Variants in SLX4 observed in about 807,000 individuals in gnomAD.
SLX4 encodes structure-specific endonuclease subunit SLX4.
SLX4 carries 112 observed loss-of-function variants against 146.2 expected under a neutral mutation model. That is an observed-to-expected ratio of 0.77 (90% confidence interval 0.66 to 0.90). The LOEUF (loss-of-function observed/expected upper bound fraction) is 0.90, where lower values mean the gene tolerates loss of function less well. Ranked by LOEUF, SLX4 falls within the 40% of genes least tolerant of loss-of-function variation. The pLI, the probability that SLX4 is intolerant of heterozygous loss-of-function variation, is 0.00. For synonymous variants in SLX4, 1,061 were observed against 997.7 expected, an observed-to-expected ratio of 1.06 and a Z score of -1.20; for missense variants, 2,563 against 2,392.7, an observed-to-expected ratio of 1.07 and a Z score of -1.49.
Position 3,589,366 on chromosome 16 carries a change from G to A in SLX4, c.4272C>T (p.Asp1424=), listed in dbSNP as rs771297945. ...PLDSDPPIPI[D]DCCWHMEPLS... ...GGGGCTCCATGTGCCAGCAGCAGTCGTCAATTGGAATTGGGGGGTCACTGT... is the reference window on the plus strand; with the variant it reads ...GGGGCTCCATGTGCCAGCAGCAGTCATCAATTGGAATTGGGGGGTCACTGT... Residue 1424 remains aspartate, a synonymous_variant, in exon 12 of 15, where the codon GAC becomes GAT. Transcript: ENST00000294008. This position sits in a 1 kb window ranked among gnomAD's most constrained non-coding sequence, Gnocchi z 6.2. 5.3e-5 allele frequency: 84 copies of A among 1,586,606 alleles called. No individual in the cohort carries two copies. Among genetic ancestry groups the A allele is most frequent in the Middle Eastern group, 1.7e-4 (1 of 5,956 alleles).
rs2040676340 is a variant in SLX4 at position 3,597,528 on chromosome 16, C to T, written c.1534G>A (p.Gly512Arg). The T allele has an allele frequency of 6.2e-7, 1 of 1,614,164 alleles. No homozygotes were observed. The highest frequency in any genetic ancestry group is 8.5e-7 in the Non-Finnish European group (1 of 1,180,042). The part of the protein sequence containing the change: ...PLPASRILKE[G>R]WERAGQCPPP... ...GGACACTGGCCCGCTCTTTCCCACC[C>T]TTCCTTTAAAATCCTGCTGGCAGGA... Residue 512 changes from glycine (G) to arginine (R), a missense_variant, in exon 7 of 15, where the codon GGG becomes AGG. Physicochemically the swap from Gly to Arg is moderately radical, Grantham distance 125. Transcript: ENST00000294008. This position sits in a 1 kb window ranked among gnomAD's most constrained non-coding sequence, Gnocchi z 4.4.
chr16:3,586,314 A>G (rs1225938554), intron 12 of SLX4, among the ~76,000 whole-genome samples: 1 of 152,110 alleles, frequency 6.6e-6, no homozygotes, highest in Non-Finnish European at 1.5e-5. Flanking sequence ...ATACAAAGGA[A>G]TGTATGCCCA....
chr16:3,590,250 T>A lies in SLX4; in HGVS notation c.3388A>T (p.Asn1130Tyr). The change falls in exon 12 of 15, where the codon AAT becomes TAT. Residue 1130 changes from asparagine (N) to tyrosine (Y), a missense_variant. By Grantham distance (143) the Asn-to-Tyr change is moderately radical. Coordinates refer to ENST00000294008, the MANE Select transcript of SLX4 (RefSeq NM_032444.4). This position sits in a 1 kb window ranked among gnomAD's most constrained non-coding sequence, Gnocchi z 4.8. ...KSPSIDLTQS[N>Y]PDHSSSRSQK... ...GATCTGGAGCTCGAATGGTCAGGAT[T>A]TGACTGGGTTAGGTCAATAGACGGA... The A allele has an allele frequency of 6.2e-7, 1 of 1,614,206 alleles. No homozygotes were observed.
At chr16:3,584,355 A>T (rs528399757) in intron 13 of SLX4, among the ~76,000 whole-genome samples, 4 of 151,454 alleles carry the variant, frequency 2.6e-5, no homozygotes, top group African/African-American at 9.8e-5. Context: ...CGGGAGGTGG[A>T]GGTTGCAGTG....
chr16:3,594,360 G>C, intron 10 of SLX4, 93 bp downstream of exon 10: 1 of 1,524,666 alleles, frequency 6.6e-7, no homozygotes, highest in Non-Finnish European at 8.9e-7. Context: ...GGGTGGAAAG[G>C]GCACCTGAGA....
chr16:3,609,362 C>T lies in SLX4; in HGVS notation c.-398G>A, dbSNP rs559269050. The T allele has an allele frequency of 1.2e-4, 26 of 213,794 alleles. No individual in the cohort carries two copies. The highest frequency in any genetic ancestry group is 4.8e-4 in the African/African-American group (21 of 43,458). 13.2% of individuals were successfully genotyped at this position (213,794 alleles called of 1,614,324 possible). ...GGCGGAGATTGCAGTGAGCCGAGAT[C>T]GTGCCACTGCACTCTAACCTGGGCA... On this transcript the variant is annotated 5_prime_UTR_variant, in exon 2 of 15. Coordinates refer to ENST00000294008, the MANE Select transcript of SLX4 (RefSeq NM_032444.4).
chr16:3,602,431 GCTCCACT>G, intron 3 of SLX4, 124 bp from the exon 4 acceptor site: 1 of 1,103,486 alleles, frequency 9.1e-7, no homozygotes, highest in Middle Eastern at 2.0e-4. Flanking sequence ...CCAGAACCCA[GCTCCACT>G]CTGCAGGCTG....
At chr16:3,594,716 T>C in intron 9 of SLX4, 117 bp from the exon 10 acceptor site, 2 of 1,389,736 alleles carry the variant, frequency 1.4e-6, no homozygotes, top group Non-Finnish European at 1.0e-6. Flanking sequence ...AGGACCTGCA[T>C]TCTCCTTTCC....
chr16:3,590,164 A>G lies in SLX4; in HGVS notation c.3474T>C (p.Asp1158=), dbSNP rs1211023830. The G allele has an allele frequency of 6.2e-7, 1 of 1,614,108 alleles. No individual in the cohort carries two copies. The highest frequency in any genetic ancestry group is 2.2e-5 in the East Asian group (1 of 44,872). The stretch of plus-strand genomic sequence containing the variant: ...TGGTTTGTTCTAGCTCCAGCTCCTC[A>G]TCCGAGTCCAGTAAGAGGATGACCT... ...EDEVILLLDS[D]EELELEQTKM... Residue 1158 remains aspartate (D), a synonymous_variant, in exon 12 of 15, where the codon GAT becomes GAC. Transcript: ENST00000294008. The surrounding 1 kb of genome is among the most constrained non-coding windows in gnomAD (Gnocchi z 4.8).
At chr16:3,584,067 C>G (rs913287855) in intron 13 of SLX4, among the ~76,000 whole-genome samples, 21 of 152,184 alleles carry the variant, frequency 1.4e-4, no homozygotes, top group African/African-American at 4.8e-4. Context: ...AGCAGCTTCC[C>G]CGGGTGCCCG....
chr16:3,595,321 G>C (rs1429318287), intron 9 of SLX4, among the ~76,000 whole-genome samples: 1 of 152,222 alleles, frequency 6.6e-6, no homozygotes, highest in Non-Finnish European at 1.5e-5. Flanking sequence ...CTGGGACCCA[G>C]GACAGGGCAG....
In SLX4 at chr16:3,589,753, T is replaced by G. The variant is rs1211485988; in HGVS notation, c.3885A>C (p.Ser1295=). The part of the protein sequence containing the change: ...QAVTQHTPRA[S]VGNREGNEVA... ...CTTCGTTCCCTTCCCTGTTTCCTACTGAGGCCCTGGGCGTGTGCTGAGTCA... is the reference window on the plus strand; with the variant it reads ...CTTCGTTCCCTTCCCTGTTTCCTACGGAGGCCCTGGGCGTGTGCTGAGTCA... Residue 1295 remains serine (S), a synonymous_variant, in exon 12 of 15, where the codon TCA becomes TCC. Coordinates refer to ENST00000294008, the MANE Select transcript of SLX4 (RefSeq NM_032444.4). This position sits in a 1 kb window ranked among gnomAD's most constrained non-coding sequence, Gnocchi z 6.2. The G allele has an allele frequency of 1.2e-6, 2 of 1,613,730 alleles. No homozygotes were observed. The highest frequency in any genetic ancestry group is 2.7e-5 in the African/African-American group (2 of 74,934).
At position 3,590,595 on chromosome 16, in the gene SLX4, C is replaced by T; in HGVS notation, c.3043G>A (p.Gly1015Arg). 6.2e-7 allele frequency: 1 copy of T among 1,613,726 alleles called. No homozygotes were observed. Among genetic ancestry groups the T allele is most frequent in the Admixed American group, 1.7e-5 (1 of 60,020 alleles). Residue 1015 changes from glycine (G) to arginine (R), a missense_variant, in exon 12 of 15, where the codon GGG becomes AGG. Gly to Arg is a moderately radical substitution (Grantham distance 125, BLOSUM62 -2). Transcript: ENST00000294008. The surrounding 1 kb of genome is among the most constrained non-coding windows in gnomAD (Gnocchi z 4.8). ...EEQSGAVRER[G>R]LEVSHRLAPW... is the part of the protein sequence containing the mutation. The stretch of plus-strand genomic sequence containing the variant: ...GCCAGGCGATGAGAAACCTCCAGCC[C>T]CCTTTCCCTGACAGCGCCACTTTGT...
At position 3,601,105 on chromosome 16, in the gene SLX4, A is replaced by C. The variant is rs913421512; in HGVS notation, c.1037T>G (p.Leu346Ter). Residue 346 changes from leucine to a stop codon, truncating the protein, a stop_gained, in exon 5 of 15, where the codon TTA becomes TGA. Transcript: ENST00000294008. LOFTEE classifies it high-confidence loss of function. ...CPICGKPFLT[L>*]KSRTSHLKQC... The stretch of plus-strand genomic sequence containing the variant: ...CTTCAAGTGACTGGTTCTGCTCTTT[A>C]AGGTAAGAAACGGTTTCCCACAAAT... 6.2e-7 allele frequency: 1 copy of C among 1,614,006 alleles called. No individual in the cohort carries two copies. The highest frequency in any genetic ancestry group is 1.3e-5 in the African/African-American group (1 of 74,918).
chr16:3,609,484 C>A lies in SLX4; in HGVS notation c.-520G>T, dbSNP rs1690468881. On this transcript the variant is annotated 5_prime_UTR_variant, in exon 2 of 15. Transcript: ENST00000294008. Reference sequence around the variant, plus strand: ...GTTGTCCAATAGATGCCTCTGAGATCGAATACATATGAACCTGGTGCTCAG... The same window carrying A: ...GTTGTCCAATAGATGCCTCTGAGATAGAATACATATGAACCTGGTGCTCAG... 6.3e-6 allele frequency: 1 copy of A among 158,444 alleles called. No individual in the cohort carries two copies. Among genetic ancestry groups the A allele is most frequent in the African/African-American group, 2.4e-5 (1 of 41,442 alleles). 9.8% of individuals were successfully genotyped at this position (158,444 alleles called of 1,614,324 possible).
rs760373571 is a variant in SLX4 at position 3,591,294 on chromosome 16, G to A, written c.2344C>T (p.Leu782Phe). 9 of 1,611,210 alleles carry A rather than the reference G, an allele frequency of 5.6e-6. No homozygotes were observed. The highest frequency in any genetic ancestry group is 1.1e-5 in the South Asian group (1 of 91,090). Residue 782 changes from leucine to phenylalanine, a missense_variant, in exon 12 of 15, where the codon CTC becomes TTC. Coordinates refer to ENST00000294008, the MANE Select transcript of SLX4 (RefSeq NM_032444.4). ...SLAHRFGVSE[L>F]VHLCEQVPIA... is the part of the protein sequence containing the mutation. ...GGCACCTGTTCGCACAGGTGAACGAGCTCACTCACGCCAAACCTGCAACAC... is the reference window on the plus strand; with the variant it reads ...GGCACCTGTTCGCACAGGTGAACGAACTCACTCACGCCAAACCTGCAACAC...
intron 9 of SLX4, among the ~76,000 whole-genome samples, chr16:3,594,958 G>C (rs1179936558): frequency 1.3e-5 from 2 of 152,200 alleles, no homozygotes; most frequent in African/African-American, 4.8e-5. Context: ...CCCATCCCCT[G>C]TGACGGACAA....
In SLX4 at chr16:3,590,608, A is replaced by T. The variant is rs754004461; in HGVS notation, c.3030T>A (p.Ala1010=). The T allele has an allele frequency of 6.2e-7, 1 of 1,613,882 alleles. No homozygotes were observed. The highest frequency in any genetic ancestry group is 8.5e-7 in the Non-Finnish European group (1 of 1,179,790). ...AAACCTCCAGCCCCCTTTCCCTGAC[A>T]GCGCCACTTTGTTCCTCGGGCTCAC... ...ITSEPEEQSG[A]VRERGLEVSH... Residue 1010 remains alanine, a synonymous_variant, in exon 12 of 15, where the codon GCT becomes GCA. Transcript: ENST00000294008. The surrounding 1 kb of genome is among the most constrained non-coding windows in gnomAD (Gnocchi z 4.8).
At position 3,589,761 on chromosome 16, in the gene SLX4, T is replaced by C; in HGVS notation, c.3877A>G (p.Arg1293Gly). The C allele has an allele frequency of 1.6e-5, 26 of 1,613,762 alleles. No individual in the cohort carries two copies. Among genetic ancestry groups the C allele is most frequent in the Non-Finnish European group, 2.2e-5 (26 of 1,180,022 alleles). The part of the protein sequence containing the change: ...AVQAVTQHTP[R>G]ASVGNREGNE... ...CCTTCCCTGTTTCCTACTGAGGCCC[T>C]GGGCGTGTGCTGAGTCACCGCCTGC... is the stretch of plus-strand genomic sequence containing the variant. Residue 1293 changes from arginine to glycine, a missense_variant, in exon 12 of 15, where the codon AGG becomes GGG. By Grantham distance (125) the Arg-to-Gly change is moderately radical (BLOSUM62 -2). Coordinates refer to ENST00000294008, the MANE Select transcript of SLX4 (RefSeq NM_032444.4). This position sits in a 1 kb window ranked among gnomAD's most constrained non-coding sequence, Gnocchi z 6.2.
Sources: allele counts gnomAD v4.1 joint callset (sites outside exome capture counted in the v4.1 genomes callset), GRCh38; gene constraint gnomAD v4.1.1; non-coding constraint Gnocchi (gnomAD v3.1); transcripts MANE v1.5; gene names NCBI Gene and HGNC (gene_info 2026-07-23, HGNC 2026-07-21).